SAMSN1: variants seen among roughly 807,000 people sequenced by gnomAD.
The protein encoded by SAMSN1 is SAM domain, SH3 domain and nuclear localization signals 1, also known as SAM domain-containing protein SAMSN-1.
In SAMSN1, 31 loss-of-function variants were observed where a neutral mutation model predicts 42.0. The ratio of observed to expected loss-of-function variants is 0.74; its 90% CI spans 0.55 to 1.00. The LOEUF (loss-of-function observed/expected upper bound fraction) is 1.00, where lower values mean the gene tolerates loss of function less well. Among genes scored for constraint, SAMSN1 ranks in the 50% least tolerant of loss-of-function variants. The pLI is 0.00. For synonymous variants in SAMSN1, 178 were observed against 151.9 expected (o/e 1.17, Z -1.26); for missense variants, 464 against 439.4 (o/e 1.06, Z -0.50).
chr21:14,642,267 A>C (rs567259508), intron 2 of SAMSN1, among the ~76,000 whole-genome samples: 2 of 152,344 alleles, frequency 1.3e-5, no homozygotes, highest in African/African-American at 4.8e-5. Flanking sequence ...ACTGTTAAAC[A>C]GGGACAGGTA....
At chr21:14,654,764 A>G (rs1451358861) in intron 1 of SAMSN1, among the ~76,000 whole-genome samples, 1 of 152,086 alleles carries the variant, frequency 6.6e-6, no homozygotes, top group Admixed American at 6.6e-5. Flanking sequence ...TGGACCACCA[A>G]TGTAAGCCCT....
intron 2 of SAMSN1, among the ~76,000 whole-genome samples, chr21:14,616,171 C>T (rs572467022): frequency 5.0e-4 from 76 of 152,002 alleles, no homozygotes; most frequent in African/African-American, 1.7e-3. Context: ...TGATATGTCC[C>T]CTGTTGTATT....
intron 7 of SAMSN1, among the ~76,000 whole-genome samples, chr21:14,490,750 A>G (rs1277862987): frequency 1.3e-5 from 2 of 152,178 alleles, no homozygotes; most frequent in Non-Finnish European, 2.9e-5. Context: ...AGGCCATGAG[A>G]AGATATGGAG....
At chr21:14,587,766 TTTTA>T (rs916635783), upstream of SAMSN1, among the ~76,000 whole-genome samples, 3 of 149,916 alleles carry the variant, frequency 2.0e-5, no homozygotes, top group Middle Eastern at 3.5e-3. Context: ...TTTATTTATT[TTTTA>T]AATTTTTTTT....
At chr21:14,509,282 C>T (rs1420836023) in intron 5 of SAMSN1, among the ~76,000 whole-genome samples, 25 of 152,062 alleles carry the variant, frequency 1.6e-4, no homozygotes, top group Admixed American at 1.6e-3. Context: ...CATTATTATT[C>T]TAAGTAAAGT....
At chr21:14,623,405 G>A (rs1462304953) in intron 2 of SAMSN1, among the ~76,000 whole-genome samples, 1 of 152,116 alleles carries the variant, frequency 6.6e-6, no homozygotes, top group Non-Finnish European at 1.5e-5. Context: ...GACACACATA[G>A]GCTCAAAATA....
At position 14,615,727 on chromosome 21, in the gene SAMSN1, A is replaced by G. The variant is rs1982817037; in HGVS notation, c.197+249T>C. Reference sequence around the variant, plus strand: ...CCACTTTAATCTAGGCCTGGTTTAGACACATGTTTCTTCTGAAAAATTTAA... The same window carrying G: ...CCACTTTAATCTAGGCCTGGTTTAGGCACATGTTTCTTCTGAAAAATTTAA... On this transcript the variant is annotated intron_variant, in intron 3 of 15. Transcript: ENST00000647101. 1.3e-5 allele frequency among the ~76,000 whole-genome samples: 2 copies of G among 152,118 alleles called. 1 individual carries two copies. The highest frequency in any genetic ancestry group is 1.3e-4 in the Admixed American group (2 of 15,256).
chr21:14,633,763 C>T (rs117349555), intron 2 of SAMSN1, among the ~76,000 whole-genome samples: 4,149 of 152,252 alleles, frequency 0.027, 87 homozygotes, highest in South Asian at 0.035. Context: ...TCCAAGTCAG[C>T]TATCTGAGGT....
rs769624629 is a variant in SAMSN1, at chr21:14,521,197, C to T, written c.82G>A (p.Asp28Asn). 15 of 1,609,304 alleles carry T rather than the reference C, an allele frequency of 9.3e-6. No individual in the cohort carries two copies. Among genetic ancestry groups the T allele is most frequent in the Admixed American group, 6.7e-5 (4 of 59,654 alleles). ...GATAAAGAATTATTCCGAAAACGAT[C>T]GAAATTCCCAAAACTGCTGCTTCGC... ...PKRSSSFGNF[D>N]RFRNNSLSKP... Residue 28 changes from aspartate to asparagine, a missense_variant, in exon 2 of 8, where the codon GAT becomes AAT. By Grantham distance (23) the Asp-to-Asn change is conservative. Coordinates refer to ENST00000400566, the MANE Select transcript of SAMSN1 (RefSeq NM_022136.5).
chr21:14,633,198 C>T (rs1262658276), intron 2 of SAMSN1, among the ~76,000 whole-genome samples: 2 of 150,982 alleles, frequency 1.3e-5, no homozygotes, highest in East Asian at 1.9e-4. Flanking sequence ...TCTCTCTCTA[C>T]ACACACACAC....
chr21:14,488,968 G>A (rs967151078), intron 7 of SAMSN1, among the ~76,000 whole-genome samples: 1 of 152,144 alleles, frequency 6.6e-6, no homozygotes, highest in Non-Finnish European at 1.5e-5. Flanking sequence ...TTTGTATTTG[G>A]AGGATCAAGA....
intron 1 of SAMSN1, among the ~76,000 whole-genome samples, chr21:14,654,775 G>T (rs974597624): frequency 6.6e-6 from 1 of 151,842 alleles, no homozygotes; most frequent in Non-Finnish European, 1.5e-5. Context: ...TGTAAGCCCT[G>T]GTTTTTAATT....
intron 2 of SAMSN1, among the ~76,000 whole-genome samples, chr21:14,570,638 T>C (rs1336364439): frequency 1.3e-5 from 2 of 152,338 alleles, no homozygotes; most frequent in African/African-American, 2.4e-5. Context: ...TTTGGAGAAA[T>C]GTATATGTTG....
At chr21:14,646,880 A>T (rs538341979) in intron 1 of SAMSN1, among the ~76,000 whole-genome samples, 4 of 152,246 alleles carry the variant, frequency 2.6e-5, no homozygotes, top group Non-Finnish European at 5.9e-5. Flanking sequence ...ATATTTGCAA[A>T]CCTCATGGTA....
chr21:14,491,273 T>C (rs1455794182), intron 7 of SAMSN1, among the ~76,000 whole-genome samples: 2 of 151,996 alleles, frequency 1.3e-5, no homozygotes, highest in Non-Finnish European at 2.9e-5. Flanking sequence ...TTTCCCTTTT[T>C]TTTTTTTTAA....
At chr21:14,561,895 G>GCCC (rs1980957978) in intron 2 of SAMSN1, among the ~76,000 whole-genome samples, 2 of 152,168 alleles carry the variant, frequency 1.3e-5, no homozygotes, top group Non-Finnish European at 1.5e-5. Context: ...AATGCCTAAT[G>GCCC]CCCAGGGCTA....
chr21:14,630,892 C>T (rs1983311604), intron 2 of SAMSN1, among the ~76,000 whole-genome samples: 1 of 152,110 alleles, frequency 6.6e-6, no homozygotes, highest in Non-Finnish European at 1.5e-5. Context: ...ACAAAAAACT[C>T]TCAATTTTAA....
At chr21:14,538,877 A>G (rs1387857410) in intron 1 of SAMSN1, among the ~76,000 whole-genome samples, 1 of 152,188 alleles carries the variant, frequency 6.6e-6, no homozygotes, top group African/African-American at 2.4e-5. Context: ...CTATTTCCAG[A>G]ACTGTCATTA....
chr21:14,645,729 G>A lies in SAMSN1; in HGVS notation c.25-2596C>T, dbSNP rs114360366. On this transcript the variant is annotated intron_variant, in intron 1 of 15. Coordinates refer to the SAMSN1 transcript ENST00000647101. ...GTGACCTTTCAGATAATTTGAAATAGATGTGTTGAGGAAACTCAAAAGAAA... is the reference window on the plus strand; with the variant it reads ...GTGACCTTTCAGATAATTTGAAATAAATGTGTTGAGGAAACTCAAAAGAAA... 3.1e-3 allele frequency among the ~76,000 whole-genome samples: 476 copies of A among 152,314 alleles called. 4 individuals carry two copies. Among genetic ancestry groups the A allele is most frequent in the African/African-American group, 0.011 (455 of 41,582 alleles).
Sources: allele counts gnomAD v4.1 joint callset (sites outside exome capture counted in the v4.1 genomes callset), GRCh38; gene constraint gnomAD v4.1.1; transcripts MANE v1.5; gene names NCBI Gene and HGNC (gene_info 2026-07-23, HGNC 2026-07-21).